GPX6: variants seen among roughly 807,000 people sequenced by gnomAD.
GPX6 encodes the protein glutathione peroxidase 6 (olfactory).
Under a neutral mutation model 20.0 loss-of-function variants are expected in GPX6, and 21 were observed. That is an observed-to-expected ratio of 1.05 (90% CI 0.74 to 1.51). The LOEUF (loss-of-function observed/expected upper bound fraction) is 1.51. Ranked by LOEUF, GPX6 falls within the 40% of genes most tolerant of loss-of-function variation. GPX6 has a pLI of 0.00. For synonymous variants in GPX6, 75 were observed against 98.0 expected, an observed-to-expected ratio of 0.77 and a Z score of 1.38; for missense variants, 233 against 254.7, an observed-to-expected ratio of 0.91 and a Z score of 0.58.
Position 28,505,807 on chromosome 6 carries a change from A to G in GPX6, c.360-5T>C, listed in dbSNP as rs1762801291. ...CCACTACCTGGACACACATACCTGCAGTGAACCAAAGTTGTTCCCAGCAAG... is the reference window on the plus strand; with the variant it reads ...CCACTACCTGGACACACATACCTGCGGTGAACCAAAGTTGTTCCCAGCAAG... On this transcript the variant is annotated splice_region_variant and splice_polypyrimidine_tract_variant and intron_variant, in intron 3 of 4. Coordinates refer to ENST00000361902, the MANE Select transcript of GPX6 (RefSeq NM_182701.1). 1.2e-6 allele frequency: 2 copies of G among 1,609,764 alleles called. No individual in the cohort carries two copies. Among genetic ancestry groups the G allele is most frequent in the Non-Finnish European group, 1.7e-6 (2 of 1,176,022 alleles).
At chr6:28,514,999 A>C (rs1762998331) in intron 1 of GPX6, among the ~76,000 whole-genome samples, 1 of 152,200 alleles carries the variant, frequency 6.6e-6, no homozygotes, top group African/African-American at 2.4e-5. Context: ...TGGCATCAGG[A>C]GATTTGGGAG....
At chr6:28,511,709 G>A (rs1035511959) in intron 1 of GPX6, among the ~76,000 whole-genome samples, 1 of 152,244 alleles carries the variant, frequency 6.6e-6, no homozygotes, top group Non-Finnish European at 1.5e-5. Flanking sequence ...CGCTCTCCGC[G>A]CCTCCTCGGC....
intron 1 of GPX6, among the ~76,000 whole-genome samples, chr6:28,512,632 G>A (rs116368672): frequency 0.018 from 2,718 of 152,290 alleles, 73 homozygotes; most frequent in African/African-American, 0.055. Context: ...AGCAGTGGCA[G>A]CCCCCGTGGG....
chr6:28,509,802 G>A (rs971202312), intron 2 of GPX6, among the ~76,000 whole-genome samples: 1 of 152,208 alleles, frequency 6.6e-6, no homozygotes, highest in African/African-American at 2.4e-5. Flanking sequence ...GGCCAAGGTT[G>A]GCGAGATGGA....
chr6:28,509,117 T>G lies in GPX6; in HGVS notation c.241+1634A>C, dbSNP rs1401905811. On this transcript the variant is annotated intron_variant, in intron 2 of 4. Coordinates refer to ENST00000361902, the MANE Select transcript of GPX6 (RefSeq NM_182701.1). ...GTGTTACTTAAAAGGGCTAAAATTC[T>G]GGGATTTTTATTACTGAAAATCCAT... Among the ~76,000 whole-genome samples, 3 of 152,360 alleles carry G rather than the reference T, an allele frequency of 2.0e-5. No individual in the cohort carries two copies. The East Asian group carries it at 5.8e-4, about 29-fold the overall frequency.
intron 3 of GPX6, 128 bp downstream of exon 3, chr6:28,506,184 A>G (rs1762804029): frequency 1.4e-6 from 1 of 690,624 alleles, no homozygotes; most frequent in East Asian, 2.5e-5. Context: ...TCAAAACATC[A>G]TAAGGATATG....
rs1314265670 is a variant in GPX6 at position 28,510,728 on chromosome 6, AGAGTTGAAACGTGAG to A, written c.241+8_241+22del. On this transcript the variant is annotated splice_region_variant and intron_variant, in intron 2 of 4. Transcript: ENST00000361902. ...GCTATCTGGCAATGCTGCTTCCAAAAGAGTTGAAACGTGAGTTCTTACCAGGATACTGAGCTGCCA... is the reference window on the plus strand; with the variant it reads ...GCTATCTGGCAATGCTGCTTCCAAAATTCTTACCAGGATACTGAGCTGCCA... The A allele has an allele frequency of 3.1e-6, 5 of 1,605,144 alleles. No homozygotes were observed. The highest frequency in any genetic ancestry group is 4.3e-6 in the Non-Finnish European group (5 of 1,175,338).
intron 1 of GPX6, among the ~76,000 whole-genome samples, chr6:28,511,714 C>T (rs990383274): frequency 1.3e-5 from 2 of 152,394 alleles, no homozygotes; most frequent in Non-Finnish European, 2.9e-5. Flanking sequence ...TCCGCGCCTC[C>T]TCGGCCTTGG....
At chr6:28,505,900 A>T in intron 3 of GPX6, 98 bp from the exon 4 acceptor site, 1 of 890,730 alleles carries the variant, frequency 1.1e-6, no homozygotes, top group Non-Finnish European at 1.9e-6. Context: ...AATTCAAGAT[A>T]AAGGGAAGAG....
At chr6:28,512,131 G>A (rs913871555) in intron 1 of GPX6, among the ~76,000 whole-genome samples, 1 of 152,216 alleles carries the variant, frequency 6.6e-6, no homozygotes, top group Non-Finnish European at 1.5e-5. Flanking sequence ...CCTGCTCCAC[G>A]CCGCCCAGTC....
At chr6:28,510,729 GA>G in intron 2 of GPX6, 21 bp downstream of exon 2, 4 of 1,605,560 alleles carry the variant, frequency 2.5e-6, no homozygotes, top group Non-Finnish European at 3.4e-6. Flanking sequence ...GCTTCCAAAA[GA>G]GTTGAAACGT....
intron 2 of GPX6, among the ~76,000 whole-genome samples, chr6:28,509,908 G>A (rs1389068586): frequency 1.3e-5 from 2 of 152,112 alleles, no homozygotes; most frequent in Non-Finnish European, 2.9e-5. Flanking sequence ...TCATTTGCAG[G>A]TGCCTACAGA....
intron 1 of GPX6, among the ~76,000 whole-genome samples, chr6:28,515,229 G>A (rs1197762924): frequency 6.6e-6 from 1 of 152,174 alleles, no homozygotes; most frequent in Non-Finnish European, 1.5e-5. Context: ...CTGGGTTTCT[G>A]GCTGAGCAGC....
rs756564513 is a variant in GPX6 at position 28,504,278 on chromosome 6, G to A, written c.*14C>T. On this transcript the variant is annotated 3_prime_UTR_variant, in exon 5 of 5. Coordinates refer to ENST00000361902, the MANE Select transcript of GPX6 (RefSeq NM_182701.1). ...GGAGACAGGGTAGTTATTTCTGTCA[G>A]TCGCTAGCCCTTCCTAGTGGGTATT... 217 of 1,610,750 alleles carry A rather than the reference G, an allele frequency of 1.3e-4. No individual in the cohort carries two copies. The highest frequency in any genetic ancestry group is 1.8e-4 in the Non-Finnish European group (211 of 1,177,232).
chr6:28,512,711 G>C (rs1453201751), intron 1 of GPX6, among the ~76,000 whole-genome samples: 1 of 152,108 alleles, frequency 6.6e-6, no homozygotes, highest in African/African-American at 2.4e-5. Context: ...GCTCATTCTT[G>C]GGGTCCACAC....
chr6:28,515,634 C>A (rs6920813), intron 1 of GPX6, 23 bp downstream of exon 1: 2 of 1,597,512 alleles, frequency 1.3e-6, no homozygotes, highest in East Asian at 2.2e-5. Context: ...GGAATCAGCT[C>A]GGATCCCCTG....
rs1019857436 is a variant in GPX6 at position 28,510,984 on chromosome 6, G to C, written c.88-80C>G. On this transcript the variant is annotated intron_variant, in intron 1 of 4. Coordinates refer to ENST00000361902, the MANE Select transcript of GPX6 (RefSeq NM_182701.1). Reference sequence around the variant, plus strand: ...ATTTGTGGACTTTTTCAAAACACTCGAAGACCCTTCATGTAATATCTTGAA... The same window carrying C: ...ATTTGTGGACTTTTTCAAAACACTCCAAGACCCTTCATGTAATATCTTGAA... 3 of 1,260,814 alleles carry C rather than the reference G, an allele frequency of 2.4e-6. No individual in the cohort carries two copies. The Middle Eastern group carries it at 6.0e-4, about 254-fold the overall frequency. 78.1% of individuals were successfully genotyped at this position (1,260,814 alleles called of 1,614,324 possible). A position where few individuals can be genotyped will look rare whatever the true frequency, so the allele number is the denominator to read the frequency against.
chr6:28,509,365 C>CAAAA (rs34508933), intron 2 of GPX6, among the ~76,000 whole-genome samples: 1,968 of 101,040 alleles, frequency 0.019, 39 homozygotes, highest in African/African-American at 0.054. Flanking sequence ...GCTAAAAATG[C>CAAAA]AAAAAAAAAA....
chr6:28,505,899 T>C, intron 3 of GPX6, 97 bp from the exon 4 acceptor site: 2 of 897,988 alleles, frequency 2.2e-6, no homozygotes, highest in Non-Finnish European at 3.7e-6. Context: ...AAATTCAAGA[T>C]AAAGGGAAGA....
Sources: gnomAD v4.1 joint callset for allele counts (sites outside exome capture counted in the v4.1 genomes callset) on GRCh38, gnomAD v4.1.1 for gene constraint, MANE v1.5 for transcripts, NCBI Gene and HGNC (gene_info 2026-07-23, HGNC 2026-07-21) for gene names.